CSMD1: variants seen among roughly 807,000 people sequenced by gnomAD.
The protein encoded by CSMD1 is CUB and Sushi multiple domains 1, also known as CUB and sushi domain-containing protein 1.
In CSMD1, 213 loss-of-function variants were observed where a neutral mutation model predicts 417.5. That is an observed-to-expected ratio of 0.51 (90% CI 0.46 to 0.57). CSMD1 has a LOEUF of 0.57. Ranked by LOEUF, CSMD1 falls within the 20% of genes least tolerant of loss-of-function variation. CSMD1 has a pLI of 0.00. For missense variants in CSMD1, 6,923 were observed against 4,529.7 expected (o/e 1.53, Z -15.17); for synonymous variants, 2,862 against 1,736.8 (o/e 1.65, Z -16.11).
intron 1 of CSMD1, among the ~76,000 whole-genome samples, chr8:4,901,714 G>C (rs143444585): frequency 5.5e-4 from 83 of 152,290 alleles, no homozygotes; most frequent in Admixed American, 1.0e-3. Context: ...TTAGCATAGA[G>C]CATAGAGGAT....
At position 4,928,606 on chromosome 8, in the gene CSMD1, C is replaced by T. The variant is rs188098309; in HGVS notation, c.85+65726G>A. Among the ~76,000 whole-genome samples, 215 of 152,254 alleles carry T rather than the reference C, an allele frequency of 1.4e-3. 2 individuals are homozygous for T. The highest frequency in any genetic ancestry group is 2.2e-4 in the African/African-American group (9 of 41,560). On this transcript the variant is annotated intron_variant, in intron 1 of 69. Coordinates refer to ENST00000635120, the MANE Select transcript of CSMD1 (RefSeq NM_033225.6). Reference sequence around the variant, plus strand: ...ATTTACGAAAGAGGCTATCCACAAACGCGCTGAGAAGTAACTGGCTCATAG... The same window carrying T: ...ATTTACGAAAGAGGCTATCCACAAATGCGCTGAGAAGTAACTGGCTCATAG...
Position 3,186,164 on chromosome 8 carries a change from GTGT to G in CSMD1, c.5620+1702_5620+1704del, listed in dbSNP as rs535913969. Among the ~76,000 whole-genome samples, 184 of 151,054 alleles carry G rather than the reference GTGT, an allele frequency of 1.2e-3. 2 individuals are homozygous for G. Among genetic ancestry groups the G allele is most frequent in the African/African-American group, 3.2e-3 (132 of 41,072 alleles). ...TTGGCATCTGTGTAGATTTTAACTTGTGTTGTTGTTGTTGATGATGTTTTTAAT... is the reference window on the plus strand; with the variant it reads ...TTGGCATCTGTGTAGATTTTAACTTGTGTTGTTGTTGATGATGTTTTTAAT... On this transcript the variant is annotated intron_variant, in intron 36 of 69. Transcript: ENST00000635120.
intron 39 of CSMD1, among the ~76,000 whole-genome samples, chr8:3,154,547 G>A (rs1049535351): frequency 1.3e-5 from 2 of 152,052 alleles, no homozygotes; most frequent in East Asian, 3.9e-4. Flanking sequence ...TGGTTTTGGC[G>A]GGAGAAAGAA....
At chr8:3,595,920 T>A (rs1801070546) in intron 8 of CSMD1, among the ~76,000 whole-genome samples, 1 of 152,114 alleles carries the variant, frequency 6.6e-6, no homozygotes, top group Non-Finnish European at 1.5e-5. Flanking sequence ...GGAAGGAGCT[T>A]TGCCCGCAAG....
intron 5 of CSMD1, among the ~76,000 whole-genome samples, chr8:3,966,805 A>G (rs1401450921): frequency 6.6e-6 from 1 of 152,192 alleles, no homozygotes; most frequent in African/African-American, 2.4e-5. Flanking sequence ...AAATCCCAAG[A>G]AATAATGTAT....
At chr8:3,364,479 T>A (rs1398240658) in intron 20 of CSMD1, among the ~76,000 whole-genome samples, 1 of 152,204 alleles carries the variant, frequency 6.6e-6, no homozygotes, top group Non-Finnish European at 1.5e-5. Context: ...TGTTGTTGGC[T>A]TGCTTGTTTG....
At chr8:3,397,457 C>T (rs527881577) in intron 16 of CSMD1, among the ~76,000 whole-genome samples, 2 of 152,304 alleles carry the variant, frequency 1.3e-5, no homozygotes, top group South Asian at 2.1e-4. Context: ...CCTATTCCTG[C>T]AACTAGTGAA....
intron 41 of CSMD1, among the ~76,000 whole-genome samples, chr8:3,121,663 G>A (rs1476055216): frequency 6.6e-6 from 1 of 152,166 alleles, no homozygotes; most frequent in Non-Finnish European, 1.5e-5. Context: ...GCTGGGAGCA[G>A]TGACTCATGC....
At chr8:3,060,958 G>T (rs996371331) in intron 49 of CSMD1, among the ~76,000 whole-genome samples, 1 of 152,132 alleles carries the variant, frequency 6.6e-6, no homozygotes, top group Admixed American at 6.5e-5. Flanking sequence ...CTTCATGTTT[G>T]TTACCTCAAA....
chr8:3,689,484 G>C (rs1386167585), intron 7 of CSMD1, among the ~76,000 whole-genome samples: 2 of 152,208 alleles, frequency 1.3e-5, no homozygotes, highest in East Asian at 1.9e-4. Context: ...AGACAGAATA[G>C]TGTTTTTATT....
At chr8:4,353,045 A>G (rs909099337) in intron 3 of CSMD1, among the ~76,000 whole-genome samples, 2 of 152,190 alleles carry the variant, frequency 1.3e-5, no homozygotes, top group Non-Finnish European at 2.9e-5. Context: ...AATATATTAG[A>G]TTGTAGAAAG....
At chr8:4,632,097 T>C (rs1371647326) in intron 2 of CSMD1, among the ~76,000 whole-genome samples, 5 of 152,206 alleles carry the variant, frequency 3.3e-5, no homozygotes, top group Non-Finnish European at 1.5e-5. Flanking sequence ...CAATTATCAG[T>C]CACCACATGG....
At chr8:4,908,564 C>A (rs957656706) in intron 1 of CSMD1, among the ~76,000 whole-genome samples, 1 of 150,844 alleles carries the variant, frequency 6.6e-6, no homozygotes, top group Non-Finnish European at 1.5e-5. Flanking sequence ...TTTCTTTTTT[C>A]TCTTTTCATT....
Position 3,724,164 on chromosome 8 carries a change from A to G in CSMD1, c.932-15673T>C, listed in dbSNP as rs1000917987. ...ATGCCAGACGTTAAAAAGTTTTGCA[A>G]AAATAGAAAACAATGCTACCTCTTT... On this transcript the variant is annotated intron_variant, in intron 6 of 69. Transcript: ENST00000635120. Among the ~76,000 whole-genome samples, 7 of 147,986 alleles carry G rather than the reference A, an allele frequency of 4.7e-5. 1 individual carries two copies. Among genetic ancestry groups the G allele is most frequent in the African/African-American group, 1.7e-4 (7 of 40,560 alleles).
chr8:4,056,078 CTTTTTTTTT>C (rs58415435), intron 3 of CSMD1, among the ~76,000 whole-genome samples: 1 of 97,842 alleles, frequency 1.0e-5, no homozygotes, highest in Non-Finnish European at 1.9e-5. Flanking sequence ...TGGTGGCTTC[CTTTTTTTTT>C]TTTTTTTTTT....
intron 3 of CSMD1, among the ~76,000 whole-genome samples, chr8:4,236,125 G>A (rs1802043577): frequency 6.8e-6 from 1 of 147,462 alleles, no homozygotes; most frequent in Non-Finnish European, 1.5e-5. Context: ...TCAAACGGTG[G>A]GATAAAAACA....
intron 3 of CSMD1, among the ~76,000 whole-genome samples, chr8:4,351,993 C>T (rs973773554): frequency 2.1e-5 from 3 of 144,678 alleles, no homozygotes; most frequent in Non-Finnish European, 4.5e-5. Context: ...GCTTGAAACA[C>T]GGGTATGGAA....
intron 3 of CSMD1, among the ~76,000 whole-genome samples, chr8:4,110,216 G>C (rs1801778755): frequency 6.6e-6 from 1 of 152,058 alleles, no homozygotes; most frequent in African/African-American, 2.4e-5. Flanking sequence ...AGAGAATATA[G>C]ATATGAAATA....
At chr8:3,458,574 T>G (rs1031472348) in intron 12 of CSMD1, among the ~76,000 whole-genome samples, 1 of 152,240 alleles carries the variant, frequency 6.6e-6, no homozygotes, top group Non-Finnish European at 1.5e-5. Context: ...TAATATCGTT[T>G]CAGTAAAATC....
Sources: gnomAD v4.1 joint callset for allele counts (sites outside exome capture counted in the v4.1 genomes callset) on GRCh38, gnomAD v4.1.1 for gene constraint, MANE v1.5 for transcripts, NCBI Gene and HGNC (gene_info 2026-07-23, HGNC 2026-07-21) for gene names.